The following CACNA2D3 variants were observed in gnomAD, a reference collection of about 807,000 sequenced individuals.
The protein encoded by CACNA2D3 is calcium voltage-gated channel auxiliary subunit alpha2delta 3, also known as voltage-dependent calcium channel subunit alpha-2/delta-3.
Under a neutral mutation model 160.6 loss-of-function variants are expected in CACNA2D3, and 60 were observed. The observed-to-expected ratio is 0.37, with a 90% CI of 0.30 to 0.46. The LOEUF (loss-of-function observed/expected upper bound fraction) is 0.46, where lower values mean the gene tolerates loss of function less well. Among genes scored for constraint, CACNA2D3 ranks in the 20% least tolerant of loss-of-function variants. The pLI, the probability that CACNA2D3 is intolerant of heterozygous loss-of-function variation, is 1.00. For missense variants in CACNA2D3, 1,205 were observed against 1,365.0 expected, an observed-to-expected ratio of 0.88 and a Z score of 1.85; for synonymous variants, 558 against 492.9, an observed-to-expected ratio of 1.13 and a Z score of -1.75.
intron 9 of CACNA2D3, chr3:54,626,352 G>C: frequency 6.4e-7 from 1 of 1,557,786 alleles, no homozygotes; most frequent in Non-Finnish European, 8.7e-7. Context: ...GGCTGAACCG[G>C]GGCCTGCGGC....
intron 29 of CACNA2D3, among the ~76,000 whole-genome samples, chr3:54,980,683 T>C (rs1702488186): frequency 6.6e-6 from 1 of 152,198 alleles, no homozygotes; most frequent in Non-Finnish European, 1.5e-5. Flanking sequence ...CCAGCATAAC[T>C]AGAGGGCATG....
chr3:54,717,761 CGT>C (rs1298477440), intron 11 of CACNA2D3, among the ~76,000 whole-genome samples: 139 of 87,106 alleles, frequency 1.6e-3, no homozygotes, highest in Middle Eastern at 0.01. Context: ...TGTGTGCAAG[CGT>C]GTGTGTGGTG....
At chr3:54,754,449 T>C (rs1173865710) in intron 12 of CACNA2D3, among the ~76,000 whole-genome samples, 1 of 152,164 alleles carries the variant, frequency 6.6e-6, no homozygotes, top group Admixed American at 6.5e-5. Flanking sequence ...ATAAAGTTGG[T>C]AGCTTGGCTC....
intron 2 of CACNA2D3, among the ~76,000 whole-genome samples, chr3:54,289,093 A>G (rs7431154): frequency 0.21 from 31,237 of 152,136 alleles, 3,374 homozygotes; most frequent in East Asian, 0.25. Flanking sequence ...AGGATATTCA[A>G]TTAGGAAAAG....
chr3:54,470,415 C>A (rs190092432), intron 4 of CACNA2D3, among the ~76,000 whole-genome samples: 2 of 152,112 alleles, frequency 1.3e-5, no homozygotes, highest in African/African-American at 4.8e-5. Flanking sequence ...TTCCCTTCCA[C>A]GAGCTCCTGA....
intron 4 of CACNA2D3, among the ~76,000 whole-genome samples, chr3:54,479,347 C>G (rs779148814): frequency 1.3e-5 from 2 of 152,114 alleles, no homozygotes; most frequent in Non-Finnish European, 2.9e-5. Flanking sequence ...TGAGAATGAA[C>G]TAATACAATA....
intron 2 of CACNA2D3, among the ~76,000 whole-genome samples, chr3:54,241,044 G>A (rs1229577421): frequency 1.3e-5 from 2 of 152,128 alleles, no homozygotes; most frequent in Admixed American, 6.6e-5. Context: ...CCTGGCTAGA[G>A]TCTTTATACT....
chr3:54,304,169 G>C (rs1030325180), intron 2 of CACNA2D3, among the ~76,000 whole-genome samples: 1 of 152,162 alleles, frequency 6.6e-6, no homozygotes, highest in African/African-American at 2.4e-5. Context: ...CCCCCGAGTT[G>C]TGAAAGCCAA....
rs115135757 is a variant in CACNA2D3 at position 54,915,075 on chromosome 3, C to T, written c.2449+15207C>T. Among the ~76,000 whole-genome samples the T allele has an allele frequency of 5.4e-3, 829 of 152,296 alleles. 8 individuals are homozygous for T. Among genetic ancestry groups the T allele is most frequent in the African/African-American group, 0.019 (778 of 41,580 alleles). ...TTTGCACAGACCTTCAGGAAGAAAT[C>T]TGTGTGTGCATCACTTTTTAGTCTT... On this transcript the variant is annotated intron_variant, in intron 27 of 37. Transcript: ENST00000474759.
At chr3:55,012,237 C>G (rs1048752856) in intron 34 of CACNA2D3, among the ~76,000 whole-genome samples, 4 of 151,958 alleles carry the variant, frequency 2.6e-5, no homozygotes, top group Non-Finnish European at 4.4e-5. Flanking sequence ...TTAAGCAATG[C>G]GTGCCAAGCC....
At chr3:54,556,419 T>C (rs1702243205) in intron 5 of CACNA2D3, among the ~76,000 whole-genome samples, 1 of 151,988 alleles carries the variant, frequency 6.6e-6, no homozygotes, top group Non-Finnish European at 1.5e-5. Flanking sequence ...GCACCAGAGA[T>C]TAAGAGACGG....
intron 9 of CACNA2D3, among the ~76,000 whole-genome samples, chr3:54,585,566 T>C (rs978302296): frequency 2.6e-5 from 4 of 152,278 alleles, no homozygotes; most frequent in African/African-American, 9.6e-5. Flanking sequence ...AAAAAGAGGT[T>C]TAATGGACCC....
intron 4 of CACNA2D3, among the ~76,000 whole-genome samples, chr3:54,408,345 T>C (rs946238295): frequency 2.0e-5 from 3 of 151,944 alleles, no homozygotes; most frequent in African/African-American, 7.2e-5. Context: ...AAATGCAAAA[T>C]TAAAATTGCC....
chr3:55,050,031 C>G (rs1483909175), intron 35 of CACNA2D3, among the ~76,000 whole-genome samples: 1 of 151,284 alleles, frequency 6.6e-6, no homozygotes, highest in African/African-American at 2.4e-5. Flanking sequence ...GAATACAGCA[C>G]ACTGATGGGT....
intron 27 of CACNA2D3, among the ~76,000 whole-genome samples, chr3:54,942,899 C>G (rs1701511246): frequency 1.3e-5 from 2 of 152,154 alleles, no homozygotes. Flanking sequence ...TGGCACGTGC[C>G]TGTAGTCCCA....
chr3:54,210,659 C>G (rs114929026), intron 2 of CACNA2D3, among the ~76,000 whole-genome samples: 2,080 of 152,106 alleles, frequency 0.014, 39 homozygotes, highest in African/African-American at 0.046. Flanking sequence ...AGGGAAGTGT[C>G]CTGGGATTGG....
intron 5 of CACNA2D3, among the ~76,000 whole-genome samples, chr3:54,524,447 C>A (rs776425378): frequency 6.6e-6 from 1 of 151,984 alleles, no homozygotes; most frequent in Non-Finnish European, 1.5e-5. Context: ...GAATGTCCCA[C>A]GTGCACGTGA....
chr3:55,022,681 T>G (rs1277613064), intron 35 of CACNA2D3, among the ~76,000 whole-genome samples: 3 of 143,528 alleles, frequency 2.1e-5, no homozygotes, highest in South Asian at 2.5e-4. Context: ...TTCTTTCCCT[T>G]CCATTGGATT....
At chr3:54,166,226 T>G (rs1700452510) in intron 2 of CACNA2D3, among the ~76,000 whole-genome samples, 1 of 152,180 alleles carries the variant, frequency 6.6e-6, no homozygotes, top group Non-Finnish European at 1.5e-5. Flanking sequence ...CTGGGGACTT[T>G]TCTTTTCCAG....
Sources: allele counts gnomAD v4.1 joint callset (sites outside exome capture counted in the v4.1 genomes callset), GRCh38; gene constraint gnomAD v4.1.1; transcripts MANE v1.5; gene names NCBI Gene and HGNC (gene_info 2026-07-23, HGNC 2026-07-21).